SGCZ: variants seen among roughly 807,000 people sequenced by gnomAD.
The protein encoded by SGCZ is sarcoglycan zeta, also known as zeta-sarcoglycan.
SGCZ carries 40 observed loss-of-function variants against 41.3 expected under a neutral mutation model. The ratio of observed to expected loss-of-function variants is 0.97; its 90% CI spans 0.75 to 1.26. The LOEUF (loss-of-function observed/expected upper bound fraction) is 1.26, where lower values mean the gene tolerates loss of function less well. SGCZ is among the 50% of genes most tolerant of loss of function. The pLI, the probability that SGCZ is intolerant of heterozygous loss-of-function variation, is 0.00. For synonymous variants in SGCZ, 206 were observed against 137.5 expected, an observed-to-expected ratio of 1.50 and a Z score of -3.49; for missense variants, 552 against 369.8, an observed-to-expected ratio of 1.49 and a Z score of -4.04.
intron 5 of SGCZ, among the ~76,000 whole-genome samples, chr8:14,121,556 G>C (rs1167849970): frequency 6.6e-6 from 1 of 151,820 alleles, no homozygotes; most frequent in Non-Finnish European, 1.5e-5. Flanking sequence ...CGTTATTATT[G>C]TTGTTAAACT....
intron 1 of SGCZ, among the ~76,000 whole-genome samples, chr8:15,053,981 C>G (rs1458560198): frequency 6.6e-6 from 1 of 152,082 alleles, no homozygotes; most frequent in African/African-American, 2.4e-5. Flanking sequence ...AATTTTGGAT[C>G]TAAGGTATGA....
chr8:14,575,226 T>C (rs956238126), intron 1 of SGCZ, among the ~76,000 whole-genome samples: 2 of 152,178 alleles, frequency 1.3e-5, no homozygotes, highest in South Asian at 4.1e-4. Context: ...TTATTCCAGA[T>C]GCTTATATAG....
chr8:14,915,857 G>C (rs1563360882), intron 1 of SGCZ, among the ~76,000 whole-genome samples: 1 of 151,992 alleles, frequency 6.6e-6, no homozygotes, highest in Non-Finnish European at 1.5e-5. Context: ...ATGTGTCTGC[G>C]TCCTGAATTC....
intron 1 of SGCZ, among the ~76,000 whole-genome samples, chr8:14,676,808 C>G (rs10099551): frequency 0.56 from 85,859 of 151,984 alleles, 25,776 homozygotes; most frequent in African/African-American, 0.75. Context: ...AGAAATAAAG[C>G]GTATTTTCTA....
intron 7 of SGCZ, among the ~76,000 whole-genome samples, chr8:14,094,294 C>G (rs114839840): frequency 1.8e-4 from 27 of 151,944 alleles, no homozygotes; most frequent in Admixed American, 3.3e-4. Context: ...CTCCCCTAGC[C>G]CCCCCATGCC....
intron 1 of SGCZ, among the ~76,000 whole-genome samples, chr8:14,635,384 A>G (rs559307038): frequency 6.6e-6 from 1 of 151,982 alleles, no homozygotes; most frequent in South Asian, 2.1e-4. Context: ...TTAATCTATT[A>G]TTCTTCAACT....
intron 1 of SGCZ, among the ~76,000 whole-genome samples, chr8:14,702,017 G>T (rs1160013882): frequency 4.6e-5 from 7 of 151,722 alleles, no homozygotes; most frequent in Non-Finnish European, 8.8e-5. Flanking sequence ...ACACGCACTG[G>T]CACTGTCTCC....
At chr8:14,663,315 T>A (rs190620846) in intron 1 of SGCZ, among the ~76,000 whole-genome samples, 1 of 152,346 alleles carries the variant, frequency 6.6e-6, no homozygotes, top group East Asian at 1.9e-4. Flanking sequence ...CGTATTTTTC[T>A]TCTTTTCTTA....
intron 1 of SGCZ, among the ~76,000 whole-genome samples, chr8:14,734,157 G>C (rs552424471): frequency 1.3e-5 from 2 of 152,246 alleles, no homozygotes; most frequent in South Asian, 4.1e-4. Flanking sequence ...TTAGGAACTA[G>C]AACAGCAAAT....
At chr8:14,256,558 ACTCT>A (rs56352601) in intron 3 of SGCZ, among the ~76,000 whole-genome samples, 34,946 of 143,320 alleles carry the variant, frequency 0.24, 4,595 homozygotes, top group South Asian at 0.47. Flanking sequence ...AGTTGGAATT[ACTCT>A]CTCTTTCTCC....
At chr8:14,149,485 G>A (rs1803628951) in intron 5 of SGCZ, among the ~76,000 whole-genome samples, 1 of 151,928 alleles carries the variant, frequency 6.6e-6, no homozygotes, top group African/African-American at 2.4e-5. Flanking sequence ...TGTCAGTGAT[G>A]GAAACTATAA....
chr8:14,566,669 C>T (rs919740014), intron 1 of SGCZ, among the ~76,000 whole-genome samples: 4 of 152,252 alleles, frequency 2.6e-5, no homozygotes, highest in African/African-American at 9.6e-5. Flanking sequence ...TGGCAGCCCT[C>T]ACAGCCCTCG....
intron 1 of SGCZ, among the ~76,000 whole-genome samples, chr8:15,078,331 G>A (rs180814243): frequency 4.6e-5 from 7 of 151,564 alleles, no homozygotes; most frequent in East Asian, 2.0e-4. Flanking sequence ...TGGTGCACCC[G>A]TAAGAAACCT....
At chr8:14,464,134 C>G (rs1396873467) in intron 2 of SGCZ, among the ~76,000 whole-genome samples, 1 of 151,540 alleles carries the variant, frequency 6.6e-6, no homozygotes, top group Non-Finnish European at 1.5e-5. Flanking sequence ...ACCACATAGG[C>G]TGATGTAGGA....
chr8:15,027,747 G>C (rs1290476760), intron 1 of SGCZ, among the ~76,000 whole-genome samples: 3 of 151,924 alleles, frequency 2.0e-5, no homozygotes, highest in Admixed American at 2.0e-4. Context: ...TTATAGACTA[G>C]TTTCAATTTG....
At chr8:14,587,423 G>T (rs1805095590) in intron 1 of SGCZ, among the ~76,000 whole-genome samples, 1 of 150,896 alleles carries the variant, frequency 6.6e-6, no homozygotes, top group African/African-American at 2.4e-5. Flanking sequence ...TGTAATTCCA[G>T]TACTTTGGGA....
At chr8:14,604,290 T>C (rs978719194) in intron 1 of SGCZ, among the ~76,000 whole-genome samples, 3 of 152,140 alleles carry the variant, frequency 2.0e-5, no homozygotes, top group Non-Finnish European at 4.4e-5. Context: ...CGTCAGTAAC[T>C]GCCTGGAGAG....
chr8:14,150,240 G>C (rs1803658204), intron 5 of SGCZ, among the ~76,000 whole-genome samples: 1 of 152,018 alleles, frequency 6.6e-6, no homozygotes, highest in African/African-American at 2.4e-5. Context: ...AAAGTGAAGA[G>C]AAAACCCACA....
intron 1 of SGCZ, among the ~76,000 whole-genome samples, chr8:15,136,554 G>C (rs1057084205): frequency 5.9e-5 from 9 of 152,112 alleles, no homozygotes; most frequent in African/African-American, 2.2e-4. Context: ...GGTGTCATGG[G>C]AGGAACCAGC....
Sources: allele counts gnomAD v4.1 joint callset (sites outside exome capture counted in the v4.1 genomes callset), GRCh38; gene constraint gnomAD v4.1.1; transcripts MANE v1.5; gene names NCBI Gene and HGNC (gene_info 2026-07-23, HGNC 2026-07-21).